Variants in IKBKB observed in about 807,000 individuals in gnomAD.
IKBKB encodes the protein inhibitor of nuclear factor kappa B kinase subunit beta, also known as inhibitor of nuclear factor kappa-B kinase subunit beta.
A neutral mutation model predicts 113.6 loss-of-function variants in IKBKB; 42 were observed. The observed-to-expected ratio is 0.37, with a 90% confidence interval of 0.29 to 0.48. IKBKB has a LOEUF of 0.48. IKBKB is among the 20% of genes least tolerant of loss of function. The pLI, the probability that IKBKB is intolerant of heterozygous loss-of-function variation, is 0.99. For missense variants in IKBKB, 673 were observed against 939.7 expected (o/e 0.72, Z 3.71); for synonymous variants, 296 against 361.3 (o/e 0.82, Z 2.05).
intron 12 of IKBKB, 131 bp downstream of exon 12, chr8:42,317,902 C>G: frequency 2.9e-6 from 2 of 687,290 alleles, no homozygotes; most frequent in Non-Finnish European, 5.2e-6. Flanking sequence ...CTCAGGGCAG[C>G]CTTCCTTATT....
At chr8:42,318,243 C>G (rs1391750975) in intron 12 of IKBKB, among the ~76,000 whole-genome samples, 2 of 147,812 alleles carry the variant, frequency 1.4e-5, no homozygotes, top group Non-Finnish European at 3.0e-5. Context: ...GCCTGGGTGA[C>G]AAGAGCGAGA....
chr8:42,280,631 G>T (rs925464656), intron 2 of IKBKB, among the ~76,000 whole-genome samples: 1 of 152,146 alleles, frequency 6.6e-6, no homozygotes, highest in Non-Finnish European at 1.5e-5. Flanking sequence ...TGGCTGGGCA[G>T]GATGTGGGTC....
chr8:42,319,974 C>T (rs963747103), intron 15 of IKBKB: 6 of 267,126 alleles, frequency 2.2e-5, no homozygotes, highest in East Asian at 1.4e-4. Context: ...TCCCTCTTGT[C>T]GAAGGTTTTT....
chr8:42,296,357 C>T (rs906897015), intron 5 of IKBKB, among the ~76,000 whole-genome samples: 3 of 151,472 alleles, frequency 2.0e-5, no homozygotes, highest in Non-Finnish European at 2.9e-5. Flanking sequence ...TTAGGCCAGA[C>T]GCGGTGGCTC....
chr8:42,329,610 G>A, intron 21 of IKBKB: 1 of 983,218 alleles, frequency 1.0e-6, no homozygotes. Flanking sequence ...TTTAATCCTT[G>A]GAACACTTAA....
At position 42,316,968 on chromosome 8, in the gene IKBKB, A is replaced by G. The variant is rs1384156691; in HGVS notation, c.1125+64A>G. The stretch of plus-strand genomic sequence containing the variant: ...GGCTGTGCCTCCTGGGAAACTCAAC[A>G]CACTTTCAGATTTCAATTCTGCTTT... On this transcript the variant is annotated intron_variant, in intron 11 of 21. Transcript: ENST00000520810. The surrounding 1 kb of genome is among the most constrained non-coding windows in gnomAD (Gnocchi z 4.5). The G allele has an allele frequency of 7.1e-7, 1 of 1,415,952 alleles. No individual in the cohort carries two copies. Among genetic ancestry groups the G allele is most frequent in the East Asian group, 2.4e-5 (1 of 42,410 alleles). The allele number at this position is 1,415,952 out of a possible 1,614,324, so 87.7% of individuals were successfully genotyped here. A position where few individuals can be genotyped will look rare whatever the true frequency, so the allele number is the denominator to read the frequency against.
chr8:42,290,085 C>T (rs1196551478), intron 3 of IKBKB, 71 bp from the exon 4 acceptor site: 19 of 1,060,452 alleles, frequency 1.8e-5, no homozygotes, highest in Non-Finnish European at 2.8e-5. Context: ...GTTGCTGAGA[C>T]CTGGTGGGGG....
At chr8:42,329,097 T>A (rs1821334928) in intron 20 of IKBKB, 27 bp from the exon 21 acceptor site, 1 of 1,582,054 alleles carries the variant, frequency 6.3e-7, no homozygotes, top group South Asian at 1.1e-5. Context: ...AATGACCACT[T>A]TCTAATAATT....
In IKBKB at chr8:42,318,813, G is replaced by A. The variant is rs1316470708; in HGVS notation, c.1364+138G>A. 2.0e-5 allele frequency: 17 copies of A among 853,608 alleles called. No homozygotes were observed. In the Admixed American group the frequency reaches 4.1e-4, roughly 21 times the overall value. 52.9% of individuals were successfully genotyped at this position (853,608 alleles called of 1,614,324 possible). On this transcript the variant is annotated intron_variant, in intron 13 of 21. Coordinates refer to ENST00000520810, the MANE Select transcript of IKBKB (RefSeq NM_001556.3). ...AAGGAAGACACTGGTTTGGATGGAC[G>A]GGAAGCGGTTGGGTGGGCTGGACTG...
chr8:42,294,282 C>T (rs1053901852), intron 5 of IKBKB, among the ~76,000 whole-genome samples: 2 of 152,152 alleles, frequency 1.3e-5, no homozygotes, highest in Non-Finnish European at 2.9e-5. Flanking sequence ...CATTTTCATC[C>T]CTCCACTACC....
chr8:42,328,598 C>G (rs188002093), intron 20 of IKBKB, among the ~76,000 whole-genome samples: 22 of 152,200 alleles, frequency 1.4e-4, no homozygotes, highest in African/African-American at 5.3e-4. Context: ...GGATGTTTTA[C>G]TACATGCTGC....
chr8:42,318,643 C>G lies in IKBKB; in HGVS notation c.1332C>G (p.Cys444Trp). Residue 444 changes from cysteine (C) to tryptophan (W), a missense_variant, in exon 13 of 22, where the codon TGC becomes TGG. Around this residue, in one of 2 missense-constraint regions of IKBKB, gnomAD observed 506 missense variants for 638.7 expected, o/e 0.79. Transcript: ENST00000520810. ...GCATCCAGACCCTGAAGGAAGATTG[C>G]AACCGGCTGCAGCAGGGACAGCGAG... ...WHSIQTLKED[C>W]NRLQQGQRAA... 1 of 1,613,594 alleles carries G rather than the reference C, an allele frequency of 6.2e-7. No individual in the cohort carries two copies. The highest frequency in any genetic ancestry group is 1.1e-5 in the South Asian group (1 of 91,046).
chr8:42,331,893 T>C lies in IKBKB; in HGVS notation c.*914T>C, dbSNP rs1216423218. On this transcript the variant is annotated 3_prime_UTR_variant, in exon 22 of 22. Coordinates refer to ENST00000520810, the MANE Select transcript of IKBKB (RefSeq NM_001556.3). ...CACAGCATCTAGCAGTATTATTAAATGGATTCATTTTAAAAATAGCTCCTA... is the reference window on the plus strand; with the variant it reads ...CACAGCATCTAGCAGTATTATTAAACGGATTCATTTTAAAAATAGCTCCTA... The C allele has an allele frequency of 5.9e-6, 1 of 169,148 alleles. No homozygotes were observed. Among genetic ancestry groups the C allele is most frequent in the Non-Finnish European group, 1.3e-5 (1 of 76,556 alleles). 10.5% of individuals were successfully genotyped at this position (169,148 alleles called of 1,614,324 possible).
At chr8:42,309,486 G>T in intron 8 of IKBKB, 1 of 420,042 alleles carries the variant, frequency 2.4e-6, no homozygotes, top group South Asian at 1.7e-5. Context: ...CGGGTACAGT[G>T]GCTCACTCCT....
chr8:42,289,073 G>A (rs528676145), intron 3 of IKBKB, among the ~76,000 whole-genome samples: 4 of 152,210 alleles, frequency 2.6e-5, no homozygotes, highest in African/African-American at 7.2e-5. Context: ...AAAATTAGCC[G>A]GGCATGGTGG....
Position 42,318,539 on chromosome 8 carries a change from T to G in IKBKB, c.1241-13T>G. 1.2e-6 allele frequency: 2 copies of G among 1,611,326 alleles called. No homozygotes were observed. The highest frequency in any genetic ancestry group is 1.7e-6 in the Non-Finnish European group (2 of 1,178,240). ...GGTTATTCTTTGACAATTGCTTGTGTCTCTGTCTCCAGTTCAAGAGCCCAA... is the reference window on the plus strand; with the variant it reads ...GGTTATTCTTTGACAATTGCTTGTGGCTCTGTCTCCAGTTCAAGAGCCCAA... On this transcript the variant is annotated splice_polypyrimidine_tract_variant and intron_variant, in intron 12 of 21. Transcript: ENST00000520810.
intron 5 of IKBKB, among the ~76,000 whole-genome samples, chr8:42,304,787 C>T (rs1002482441): frequency 2.0e-5 from 3 of 152,186 alleles, no homozygotes; most frequent in African/African-American, 7.2e-5. Flanking sequence ...CTTCTCAAAA[C>T]TTTATTGGCG....
chr8:42,271,591 T>G, intron 1 of IKBKB, 122 bp downstream of exon 1: 1 of 554,262 alleles, frequency 1.8e-6, no homozygotes, highest in East Asian at 3.3e-5. Context: ...CTGGGGAGCG[T>G]TTCACTTGTG....
chr8:42,300,571 G>GA (rs893519639), intron 5 of IKBKB, among the ~76,000 whole-genome samples: 2 of 152,092 alleles, frequency 1.3e-5, no homozygotes, highest in Non-Finnish European at 2.9e-5. Context: ...TTTGTCATCT[G>GA]AAAAAAATAC....
Sources: allele counts gnomAD v4.1 joint callset (sites outside exome capture counted in the v4.1 genomes callset), GRCh38; gene constraint gnomAD v4.1.1; regional missense constraint gnomAD v4.1.1; non-coding constraint Gnocchi (gnomAD v3.1); transcripts MANE v1.5; gene names NCBI Gene and HGNC (gene_info 2026-07-23, HGNC 2026-07-21).